The following ITFG1 variants were observed in gnomAD, a reference collection of about 807,000 sequenced individuals.
ITFG1 encodes integrin alpha FG-GAP repeat containing 1, also known as T-cell immunomodulatory protein.
Under a neutral mutation model 81.8 loss-of-function variants are expected in ITFG1, and 34 were observed. The observed-to-expected ratio is 0.42, with a 90% CI of 0.32 to 0.55. The LOEUF is 0.55. Among genes scored for constraint, ITFG1 ranks in the 20% least tolerant of loss-of-function variants. The pLI, the probability that ITFG1 is intolerant of heterozygous loss-of-function variation, is 0.17. For missense variants in ITFG1, 672 were observed against 755.4 expected, an observed-to-expected ratio of 0.89 and a Z score of 1.29; for synonymous variants, 285 against 270.6, an observed-to-expected ratio of 1.05 and a Z score of -0.52.
intron 6 of ITFG1, among the ~76,000 whole-genome samples, chr16:47,412,006 G>A (rs1327041284): frequency 6.6e-6 from 1 of 152,144 alleles, no homozygotes; most frequent in African/African-American, 2.4e-5. Context: ...TAAAGATCCT[G>A]TACAGAGCTT....
chr16:47,333,783 GCT>G (rs1276391423), intron 8 of ITFG1, among the ~76,000 whole-genome samples: 2 of 152,122 alleles, frequency 1.3e-5, no homozygotes, highest in African/African-American at 4.8e-5. Context: ...TTAAGGAACT[GCT>G]CTTTTTACCT....
At chr16:47,183,080 A>C (rs938020889) in intron 14 of ITFG1, among the ~76,000 whole-genome samples, 1 of 152,210 alleles carries the variant, frequency 6.6e-6, no homozygotes, top group Non-Finnish European at 1.5e-5. Flanking sequence ...AAAACGGCGC[A>C]CAAGAGATTA....
chr16:47,348,345 C>T (rs944349768), intron 8 of ITFG1, among the ~76,000 whole-genome samples: 2 of 152,138 alleles, frequency 1.3e-5, no homozygotes, highest in Admixed American at 1.3e-4. Context: ...ACTAGAATAA[C>T]CAATGCAGAG....
At chr16:47,325,289 A>T (rs1323258764) in intron 8 of ITFG1, among the ~76,000 whole-genome samples, 1 of 152,224 alleles carries the variant, frequency 6.6e-6, no homozygotes, top group African/African-American at 2.4e-5. Flanking sequence ...GAACAAAGAC[A>T]CAACATACCA....
intron 8 of ITFG1, among the ~76,000 whole-genome samples, chr16:47,320,905 G>A (rs1967438494): frequency 1.3e-5 from 2 of 152,074 alleles, no homozygotes; most frequent in South Asian, 4.1e-4. Context: ...TAAAACACTT[G>A]GTCATGAAAA....
Position 47,274,249 on chromosome 16 carries a change from C to T in ITFG1, c.1071-13554G>A, listed in dbSNP as rs13335841. Among the ~76,000 whole-genome samples the T allele has an allele frequency of 6.8e-3, 1,025 of 151,784 alleles. 10 individuals carry two copies. The highest frequency in any genetic ancestry group is 0.024 in the African/African-American group (974 of 41,388). ...TCCAGCCTGGGGGACAGAGGGACTCCATCTCATAAAAAGAAAAAAAAAGAA... is the reference window on the plus strand; with the variant it reads ...TCCAGCCTGGGGGACAGAGGGACTCTATCTCATAAAAAGAAAAAAAAAGAA... On this transcript the variant is annotated intron_variant, in intron 10 of 17. Coordinates refer to ENST00000320640, the MANE Select transcript of ITFG1 (RefSeq NM_030790.5).
chr16:47,441,263 G>A (rs1969245943), intron 5 of ITFG1, among the ~76,000 whole-genome samples: 3 of 152,100 alleles, frequency 2.0e-5, no homozygotes, highest in Non-Finnish European at 1.5e-5. Flanking sequence ...AGGAGGAGCT[G>A]GTAACATTCC....
At chr16:47,182,102 C>T (rs1214862072) in intron 14 of ITFG1, among the ~76,000 whole-genome samples, 2 of 151,924 alleles carry the variant, frequency 1.3e-5, no homozygotes. Context: ...ACTTGTTTAT[C>T]TGCTGACCTT....
intron 14 of ITFG1, among the ~76,000 whole-genome samples, chr16:47,174,638 A>G (rs1176056366): frequency 6.6e-6 from 1 of 152,166 alleles, no homozygotes; most frequent in Non-Finnish European, 1.5e-5. Flanking sequence ...CTCCTGCCTC[A>G]GCCTCCTGAG....
At chr16:47,245,831 CTTT>C (rs932168296) in intron 12 of ITFG1, among the ~76,000 whole-genome samples, 4 of 144,996 alleles carry the variant, frequency 2.8e-5, no homozygotes, top group Admixed American at 7.0e-5. Flanking sequence ...CTGCCTCCTC[CTTT>C]TTTTTTTTTT....
chr16:47,231,460 G>T (rs981550661), intron 13 of ITFG1, among the ~76,000 whole-genome samples: 3 of 152,156 alleles, frequency 2.0e-5, no homozygotes, highest in African/African-American at 7.2e-5. Context: ...AGATATTTAT[G>T]ATAGCACCAC....
chr16:47,329,074 T>A (rs1425564218), intron 8 of ITFG1, among the ~76,000 whole-genome samples: 1 of 152,150 alleles, frequency 6.6e-6, no homozygotes, highest in Non-Finnish European at 1.5e-5. Context: ...TCCTTCTTAT[T>A]ATGATTAGAA....
At chr16:47,455,777 C>CAA (rs1325999369) in intron 2 of ITFG1, among the ~76,000 whole-genome samples, 136 of 46,162 alleles carry the variant, frequency 2.9e-3, no homozygotes, top group African/African-American at 6.8e-3. Flanking sequence ...CATCCCCCAC[C>CAA]AAAAAAAAAA....
chr16:47,258,843 C>T (rs1966171468), intron 11 of ITFG1, 103 bp from the exon 12 acceptor site: 1 of 517,954 alleles, frequency 1.9e-6, no homozygotes, highest in Non-Finnish European at 3.3e-6. Context: ...GTAAATGTAG[C>T]CTTATTTATT....
At chr16:47,172,310 C>G (rs1183988470) in intron 14 of ITFG1, among the ~76,000 whole-genome samples, 1 of 152,152 alleles carries the variant, frequency 6.6e-6, no homozygotes, top group African/African-American at 2.4e-5. Flanking sequence ...CACGGCAAAA[C>G]CCTGTCTCTA....
chr16:47,200,671 A>G (rs1050079075), intron 14 of ITFG1, among the ~76,000 whole-genome samples: 3 of 152,236 alleles, frequency 2.0e-5, no homozygotes, highest in African/African-American at 7.2e-5. Flanking sequence ...GTATAATTAT[A>G]GTTGTAAAAC....
chr16:47,383,923 G>GTA (rs756750944), intron 6 of ITFG1, among the ~76,000 whole-genome samples: 5 of 152,144 alleles, frequency 3.3e-5, no homozygotes, highest in Non-Finnish European at 1.5e-5. Flanking sequence ...AGAAAAGACT[G>GTA]TATGTCAGTT....
chr16:47,396,152 G>C, intron 6 of ITFG1: 1 of 985,244 alleles, frequency 1.0e-6, no homozygotes, highest in Non-Finnish European at 1.2e-6. Context: ...GTCAGGAGAA[G>C]GAGAGATAAG....
At chr16:47,456,071 A>T (rs1969449280) in intron 2 of ITFG1, among the ~76,000 whole-genome samples, 1 of 152,128 alleles carries the variant, frequency 6.6e-6, no homozygotes, top group Admixed American at 6.5e-5. Flanking sequence ...AAGAATAATC[A>T]TTCCTGTAAT....
Sources: allele counts gnomAD v4.1 joint callset (sites outside exome capture counted in the v4.1 genomes callset), GRCh38; gene constraint gnomAD v4.1.1; transcripts MANE v1.5; gene names NCBI Gene and HGNC (gene_info 2026-07-23, HGNC 2026-07-21).